The following ZNF236 variants were observed in gnomAD, a reference collection of about 807,000 sequenced individuals.
The protein encoded by ZNF236 is zinc finger protein 236.
Under a neutral mutation model 191.2 loss-of-function variants are expected in ZNF236, and 50 were observed. That is an observed-to-expected ratio of 0.26 (90% CI 0.21 to 0.33). The LOEUF is 0.33. ZNF236 is among the 10% of genes least tolerant of loss of function. The probability of loss-of-function intolerance (pLI) is 1.00; values close to 1 mark genes in which losing one functional copy is unlikely to be tolerated. For synonymous variants in ZNF236, 907 were observed against 928.8 expected, an observed-to-expected ratio of 0.98 and a Z score of 0.43; for missense variants, 1,754 against 2,374.5, an observed-to-expected ratio of 0.74 and a Z score of 5.43.
chr18:76,824,855 C>G (rs767031025), intron 1 of ZNF236, among the ~76,000 whole-genome samples: 4 of 152,222 alleles, frequency 2.6e-5, no homozygotes, highest in Non-Finnish European at 5.9e-5. Context: ...ACCCAGCCTC[C>G]CTCTCCGGGC....
In ZNF236 at chr18:76,892,168, G is replaced by GT. The variant is rs34870901; in HGVS notation, c.1418-2824dup. Among the ~76,000 whole-genome samples the GT allele has an allele frequency of 5.2e-3, 273 of 52,760 alleles. 25 individuals carry two copies. The highest frequency in any genetic ancestry group is 0.01 in the African/African-American group (162 of 15,588). 34.6% of individuals were successfully genotyped at this position (52,760 alleles called of 152,430 possible). On this transcript the variant is annotated intron_variant, in intron 9 of 30. Transcript: ENST00000320610. ...TTTTCTTTTTGAAATTTTCTTCTGG[G>GT]TTTTTTTTTTTTTTTTTTTTTGTAA... is the stretch of plus-strand genomic sequence containing the variant.
At chr18:76,829,763 G>A (rs1975115115) in intron 1 of ZNF236, among the ~76,000 whole-genome samples, 1 of 152,270 alleles carries the variant, frequency 6.6e-6, no homozygotes, top group South Asian at 2.1e-4. Context: ...GGAGCTTCAT[G>A]AGTTTTCCTG....
intron 25 of ZNF236, among the ~76,000 whole-genome samples, chr18:76,929,411 G>A (rs1451054228): frequency 2.0e-5 from 3 of 152,228 alleles, no homozygotes; most frequent in African/African-American, 7.2e-5. Context: ...AAAGCTATTT[G>A]GTTGATCCAA....
intron 3 of ZNF236, among the ~76,000 whole-genome samples, chr18:76,866,362 C>T (rs1976402822): frequency 6.6e-6 from 1 of 152,038 alleles, no homozygotes; most frequent in South Asian, 2.1e-4. Flanking sequence ...AGCAGAGGCA[C>T]ACTGCATTAG....
chr18:76,920,036 A>G lies in ZNF236; in HGVS notation c.3535A>G (p.Lys1179Glu), dbSNP rs1967489451. 2 of 1,612,328 alleles carry G rather than the reference A, an allele frequency of 1.2e-6. No individual in the cohort carries two copies. Among genetic ancestry groups the G allele is most frequent in the Non-Finnish European group, 1.7e-6 (2 of 1,179,744 alleles). ...NCCTYCPKSF[K>E]KPSDLVRHVR... ...CTGCACATACTGCCCCAAGAGCTTCAAGAAACCTAGCGACCTGGTGAGGTG... is the reference window on the plus strand; with the variant it reads ...CTGCACATACTGCCCCAAGAGCTTCGAGAAACCTAGCGACCTGGTGAGGTG... The change falls in exon 20 of 31, where the codon AAG (lysine) becomes GAG (glutamate). Residue 1179 changes from lysine to glutamate, a missense_variant. By Grantham distance (56) the Lys-to-Glu change is moderately conservative. Transcript: ENST00000320610.
intron 27 of ZNF236, among the ~76,000 whole-genome samples, chr18:76,952,893 T>C (rs1348724321): frequency 1.3e-5 from 2 of 152,184 alleles, no homozygotes; most frequent in African/African-American, 4.8e-5. Flanking sequence ...ATTGGGCATG[T>C]AATGTTCCCT....
In ZNF236 at chr18:76,960,865, C is replaced by G. The variant is rs748000627; in HGVS notation, c.5419+10C>G. The G allele has an allele frequency of 5.6e-6, 9 of 1,606,410 alleles. No individual in the cohort carries two copies. Among genetic ancestry groups the G allele is most frequent in the Non-Finnish European group, 7.7e-6 (9 of 1,174,764 alleles). On this transcript the variant is annotated intron_variant, in intron 30 of 30. Coordinates refer to ENST00000320610, the MANE Select transcript of ZNF236 (RefSeq NM_001306089.2). This position sits in a 1 kb window ranked among gnomAD's most constrained non-coding sequence, Gnocchi z 4.4. The stretch of plus-strand genomic sequence containing the variant: ...GCGCACAGCTATGCTGGTGAGAATG[C>G]TGCACCCGGGAGTGCGTGCTGTTCG...
intron 3 of ZNF236, among the ~76,000 whole-genome samples, chr18:76,864,961 GA>G (rs1976364950): frequency 6.6e-6 from 1 of 152,162 alleles, no homozygotes; most frequent in Non-Finnish European, 1.5e-5. Flanking sequence ...CAGAGGAAAA[GA>G]AACAGTGAGC....
chr18:76,865,260 C>T (rs1976374663), intron 3 of ZNF236, among the ~76,000 whole-genome samples: 1 of 152,106 alleles, frequency 6.6e-6, no homozygotes, highest in African/African-American at 2.4e-5. Context: ...TTGCTTGAAC[C>T]TGGGAGGCAG....
At chr18:76,876,872 T>C (rs1976732803) in intron 6 of ZNF236, among the ~76,000 whole-genome samples, 1 of 152,160 alleles carries the variant, frequency 6.6e-6, no homozygotes, top group East Asian at 1.9e-4. Flanking sequence ...ACTCCCCCTA[T>C]GCTAAAGGGC....
At chr18:76,832,162 A>G (rs1975187642) in intron 1 of ZNF236, among the ~76,000 whole-genome samples, 1 of 152,148 alleles carries the variant, frequency 6.6e-6, no homozygotes, top group African/African-American at 2.4e-5. Flanking sequence ...TCACTGCAAC[A>G]TCTGCTTCCT....
At chr18:76,950,475 C>G (rs1968376963) in intron 27 of ZNF236, among the ~76,000 whole-genome samples, 2 of 152,066 alleles carry the variant, frequency 1.3e-5, no homozygotes, top group African/African-American at 4.8e-5. Context: ...TTATATATAC[C>G]ATGAGATCCT....
At chr18:76,954,683 G>A (rs1968482234) in intron 27 of ZNF236, among the ~76,000 whole-genome samples, 2 of 152,076 alleles carry the variant, frequency 1.3e-5, no homozygotes, top group South Asian at 2.1e-4. Context: ...GTGTCCTATT[G>A]TAGAATAACA....
intron 3 of ZNF236, among the ~76,000 whole-genome samples, chr18:76,865,245 G>A (rs1976374108): frequency 6.6e-6 from 1 of 152,172 alleles, no homozygotes; most frequent in Non-Finnish European, 1.5e-5. Flanking sequence ...GCTGAGGCAG[G>A]AGAATTGCTT....
intron 1 of ZNF236, among the ~76,000 whole-genome samples, chr18:76,831,038 A>G (rs1975156075): frequency 6.6e-6 from 1 of 152,258 alleles, no homozygotes; most frequent in African/African-American, 2.4e-5. Context: ...TATTGGTAAC[A>G]TCTTGCATTG....
intron 19 of ZNF236, among the ~76,000 whole-genome samples, chr18:76,916,972 C>G (rs1318177654): frequency 6.6e-6 from 1 of 152,200 alleles, no homozygotes; most frequent in Non-Finnish European, 1.5e-5. Context: ...CATCTGGGGT[C>G]CCCGGTGGGT....
intron 20 of ZNF236, among the ~76,000 whole-genome samples, chr18:76,922,491 C>G (rs1160301693): frequency 1.3e-5 from 2 of 151,522 alleles, no homozygotes. Context: ...AACTTTTCTA[C>G]TCTGATATCG....
chr18:76,937,138 AC>A lies in ZNF236; in HGVS notation c.4595-17del, dbSNP rs767625427. 5 of 1,608,810 alleles carry A rather than the reference AC, an allele frequency of 3.1e-6. No homozygotes were observed. The South Asian group carries it at 5.5e-5, about 18-fold the overall frequency. ...GTCTGGCCTTCCCATTGATCTACTT[AC>A]TTTGCCTCTTTTGTAGAACTTAACA... is the stretch of plus-strand genomic sequence containing the variant. On this transcript the variant is annotated splice_polypyrimidine_tract_variant and intron_variant, in intron 25 of 30. Coordinates refer to ENST00000320610, the MANE Select transcript of ZNF236 (RefSeq NM_001306089.2).
chr18:76,957,712 C>T (rs59308271), intron 28 of ZNF236, among the ~76,000 whole-genome samples: 8,090 of 152,158 alleles, frequency 0.053, 281 homozygotes, highest in Middle Eastern at 0.13. Flanking sequence ...CTCCTCTCTA[C>T]GGGTCCATGT....
Sources: allele counts gnomAD v4.1 joint callset (sites outside exome capture counted in the v4.1 genomes callset), GRCh38; gene constraint gnomAD v4.1.1; non-coding constraint Gnocchi (gnomAD v3.1); transcripts MANE v1.5; gene names NCBI Gene and HGNC (gene_info 2026-07-23, HGNC 2026-07-21).